The following CDC5L variants were observed in gnomAD, a reference collection of about 807,000 sequenced individuals.
The protein encoded by CDC5L is cell division cycle 5-like protein.
CDC5L carries 18 observed loss-of-function variants against 104.1 expected under a neutral mutation model. The observed-to-expected ratio is 0.17, with a 90% CI of 0.12 to 0.26. CDC5L has a LOEUF of 0.26. CDC5L is among the 10% of genes least tolerant of loss of function. The pLI is 1.00. For synonymous variants in CDC5L, 331 were observed against 322.7 expected (o/e 1.03, Z -0.28); for missense variants, 673 against 956.9 (o/e 0.70, Z 3.91).
At chr6:44,430,022 T>G in intron 14 of CDC5L, 112 bp downstream of exon 14, 6 of 747,852 alleles carry the variant, frequency 8.0e-6, no homozygotes, top group Non-Finnish European at 2.2e-6. Flanking sequence ...CTTATTGCCT[T>G]TTTAGTTGTT....
chr6:44,390,870 A>G (rs1790556212), intron 2 of CDC5L, among the ~76,000 whole-genome samples: 1 of 148,032 alleles, frequency 6.8e-6, no homozygotes, highest in South Asian at 2.1e-4. Flanking sequence ...TATATTTTAT[A>G]GTTAATATGT....
chr6:44,397,997 G>A (rs1004883749), intron 5 of CDC5L, among the ~76,000 whole-genome samples: 3 of 152,136 alleles, frequency 2.0e-5, no homozygotes, highest in African/African-American at 7.2e-5. Flanking sequence ...AGTGCCCCTT[G>A]TGGCCCCCAG....
At chr6:44,405,601 T>C (rs1222181717) in intron 6 of CDC5L, among the ~76,000 whole-genome samples, 1 of 152,242 alleles carries the variant, frequency 6.6e-6, no homozygotes, top group Non-Finnish European at 1.5e-5. Flanking sequence ...TAAAGGGAAA[T>C]TTAATTATGT....
intron 2 of CDC5L, among the ~76,000 whole-genome samples, chr6:44,390,993 C>A (rs1790574802): frequency 2.9e-5 from 3 of 104,732 alleles, no homozygotes; most frequent in Admixed American, 1.0e-4. Context: ...ATATATTAAA[C>A]ATATTTAATA....
At chr6:44,440,810 C>T (rs183636471) in intron 14 of CDC5L, among the ~76,000 whole-genome samples, 3 of 149,714 alleles carry the variant, frequency 2.0e-5, no homozygotes, top group Non-Finnish European at 3.0e-5. Flanking sequence ...TGGGTTCAAG[C>T]GATTCTCCCA....
chr6:44,406,857 G>A (rs1008138158), intron 7 of CDC5L, among the ~76,000 whole-genome samples: 3 of 152,070 alleles, frequency 2.0e-5, no homozygotes, highest in African/African-American at 4.8e-5. Context: ...AGGTTGCAGT[G>A]AGCCAAGATG....
At chr6:44,440,361 C>T (rs1182479375) in intron 14 of CDC5L, among the ~76,000 whole-genome samples, 3 of 151,650 alleles carry the variant, frequency 2.0e-5, no homozygotes, top group African/African-American at 7.3e-5. Context: ...CCTGTCTCAG[C>T]CTCCCGAGTA....
Position 44,429,945 on chromosome 6 carries a change from A to G in CDC5L, c.2091+35A>G, listed in dbSNP as rs141494542. 961 of 1,526,416 alleles carry G rather than the reference A, an allele frequency of 6.3e-4. 9 individuals carry two copies. In the African/African-American group the frequency reaches 0.012, roughly 19 times the overall value. 94.6% of individuals were successfully genotyped at this position (1,526,416 alleles called of 1,614,324 possible). A position where few individuals can be genotyped will look rare whatever the true frequency, so the allele number is the denominator to read the frequency against. On this transcript the variant is annotated intron_variant, in intron 14 of 15. Coordinates refer to ENST00000371477, the MANE Select transcript of CDC5L (RefSeq NM_001253.4). ...CTTTTAAAATTTTAATTTTAAATGTACTTTGATTGAGATAATGAACTAAAT... is the reference window on the plus strand; with the variant it reads ...CTTTTAAAATTTTAATTTTAAATGTGCTTTGATTGAGATAATGAACTAAAT...
intron 2 of CDC5L, 131 bp downstream of exon 2, chr6:44,390,502 G>A (rs1044293126): frequency 3.1e-6 from 2 of 649,662 alleles, no homozygotes; most frequent in African/African-American, 3.7e-5. Context: ...GGAGATGGAA[G>A]TTGGGTGTTT....
At chr6:44,439,091 A>G (rs919544097) in intron 14 of CDC5L, among the ~76,000 whole-genome samples, 7 of 152,176 alleles carry the variant, frequency 4.6e-5, no homozygotes, top group African/African-American at 1.7e-4. Flanking sequence ...GATATTTCAC[A>G]TAAGTGGAAT....
At chr6:44,441,810 C>T (rs191176723) in intron 14 of CDC5L, among the ~76,000 whole-genome samples, 2 of 151,152 alleles carry the variant, frequency 1.3e-5, no homozygotes, top group South Asian at 2.1e-4. Context: ...AATAGGGTTA[C>T]TTGTTTTTTA....
At chr6:44,417,933 G>A (rs558609638) in intron 8 of CDC5L, among the ~76,000 whole-genome samples, 2 of 152,294 alleles carry the variant, frequency 1.3e-5, no homozygotes, top group Admixed American at 6.5e-5. Context: ...AATTTCATAT[G>A]TGAGGCCACA....
chr6:44,435,087 CT>C (rs988964961), intron 14 of CDC5L, among the ~76,000 whole-genome samples: 2 of 143,440 alleles, frequency 1.4e-5, no homozygotes, highest in East Asian at 2.0e-4. Context: ...CCCGCCCCCC[CT>C]GCCCCCACAT....
intron 2 of CDC5L, among the ~76,000 whole-genome samples, chr6:44,392,277 T>G (rs11571917): frequency 0.014 from 2,198 of 152,246 alleles, 23 homozygotes; most frequent in Middle Eastern, 0.034. Flanking sequence ...AAATAAGCCA[T>G]GGTGTGAGAA....
intron 14 of CDC5L, among the ~76,000 whole-genome samples, chr6:44,433,694 G>A (rs1433358130): frequency 6.6e-6 from 1 of 152,112 alleles, no homozygotes; most frequent in African/African-American, 2.4e-5. Context: ...AGACTTCTTA[G>A]AAGTAAAGTA....
At chr6:44,409,211 T>G (rs1208212996) in intron 8 of CDC5L, among the ~76,000 whole-genome samples, 1 of 152,242 alleles carries the variant, frequency 6.6e-6, no homozygotes, top group Non-Finnish European at 1.5e-5. Context: ...AGAAAAACAC[T>G]TGTGCCCCTC....
chr6:44,446,562 A>G (rs376267985), intron 15 of CDC5L, 45 bp from the exon 16 acceptor site: 7 of 850,536 alleles, frequency 8.2e-6, no homozygotes, highest in Middle Eastern at 3.6e-4. Flanking sequence ...GATTTTTTTC[A>G]GTATAGTTAC....
chr6:44,423,048 A>C (rs1792261561), intron 10 of CDC5L, among the ~76,000 whole-genome samples: 1 of 152,186 alleles, frequency 6.6e-6, no homozygotes, highest in Non-Finnish European at 1.5e-5. Context: ...ATTTCACTGA[A>C]GTTTTCTTTA....
intron 5 of CDC5L, among the ~76,000 whole-genome samples, chr6:44,403,322 G>T (rs1791216207): frequency 1.4e-5 from 2 of 145,952 alleles, no homozygotes. Flanking sequence ...TACACCCTTT[G>T]AGTGCATTAA....
Sources: allele counts gnomAD v4.1 joint callset (sites outside exome capture counted in the v4.1 genomes callset), GRCh38; gene constraint gnomAD v4.1.1; transcripts MANE v1.5; gene names NCBI Gene and HGNC (gene_info 2026-07-23, HGNC 2026-07-21).